The following ALDH9A1 variants were observed in gnomAD, a reference collection of about 807,000 sequenced individuals.
The protein encoded by ALDH9A1 is aldehyde dehydrogenase 9 family member A1.
In ALDH9A1, 42 loss-of-function variants were observed where a neutral mutation model predicts 56.6. The ratio of observed to expected loss-of-function variants is 0.74; its 90% CI spans 0.58 to 0.96. The LOEUF is 0.96. Among genes scored for constraint, ALDH9A1 ranks in the 40% least tolerant of loss-of-function variants. The probability of loss-of-function intolerance (pLI) is 0.00; values close to 1 mark genes in which losing one functional copy is unlikely to be tolerated. For missense variants in ALDH9A1, 661 were observed against 651.5 expected (o/e 1.01, Z -0.16); for synonymous variants, 242 against 236.0 (o/e 1.03, Z -0.23).
At position 165,665,160 on chromosome 1, in the gene ALDH9A1, T is replaced by C. The variant is rs747399636; in HGVS notation, c.1350-30A>G. 49 of 1,581,228 alleles carry C rather than the reference T, an allele frequency of 3.1e-5. No individual in the cohort carries two copies. The African/African-American group carries it at 3.6e-4, about 12-fold the overall frequency. The stretch of plus-strand genomic sequence containing the variant: ...GAAGAAAAAAAAAATGTGTGCATTA[T>C]TGAGAGTTTCTTAGGCTACTACTTT... On this transcript the variant is annotated intron_variant, in intron 9 of 10. Transcript: ENST00000354775.
At chr1:165,666,047 T>C (rs1168364999) in intron 9 of ALDH9A1, among the ~76,000 whole-genome samples, 1 of 152,208 alleles carries the variant, frequency 6.6e-6, no homozygotes, top group African/African-American at 2.4e-5. Context: ...AAGTGGTACA[T>C]ATCCATACCA....
At position 165,662,964 on chromosome 1, in the gene ALDH9A1, A is replaced by T. The variant is rs1558000065; in HGVS notation, c.*86T>A. ...AACGCCAAAATTCTGGATGTAAAAT[A>T]ACATTCAGTTGTACTGCCTCTGTAA... On this transcript the variant is annotated 3_prime_UTR_variant, in exon 11 of 11. Coordinates refer to ENST00000354775, the MANE Select transcript of ALDH9A1 (RefSeq NM_000696.4). 3.4e-6 allele frequency: 4 copies of T among 1,189,140 alleles called. No homozygotes were observed. The highest frequency in any genetic ancestry group is 2.5e-6 in the Non-Finnish European group (2 of 797,120). 73.7% of individuals were successfully genotyped at this position (1,189,140 alleles called of 1,614,324 possible). A position where few individuals can be genotyped will look rare whatever the true frequency, so the allele number is the denominator to read the frequency against.
intron 10 of ALDH9A1, among the ~76,000 whole-genome samples, chr1:165,663,832 G>A (rs1648918501): frequency 6.6e-6 from 1 of 152,222 alleles, no homozygotes; most frequent in Non-Finnish European, 1.5e-5. Context: ...ACCTCACTCT[G>A]TCTTTTGTTC....
chr1:165,690,669 C>T (rs1027853217), intron 2 of ALDH9A1, among the ~76,000 whole-genome samples: 1 of 152,206 alleles, frequency 6.6e-6, no homozygotes, highest in African/African-American at 2.4e-5. Flanking sequence ...TAATACTGCG[C>T]TTTTCCAACA....
chr1:165,689,821 C>A (rs1367078916), intron 2 of ALDH9A1, among the ~76,000 whole-genome samples: 1 of 151,782 alleles, frequency 6.6e-6, no homozygotes, highest in Non-Finnish European at 1.5e-5. Flanking sequence ...GTAATCCCAG[C>A]TATTCAGGAG....
At position 165,668,988 on chromosome 1, in the gene ALDH9A1, T is replaced by A. The variant is rs1649089744; in HGVS notation, c.1145A>T (p.Asp382Val). The stretch of plus-strand genomic sequence containing the variant: ...TTTGGGATCTTCAGGTACATATATA[T>A]CTCCACCACATAACACTTTAGCACC... ...EQGAKVLCGG[D>V]IYVPEDPKLK... Residue 382 changes from aspartate (D) to valine (V), a missense_variant, in exon 8 of 11, where the codon GAT becomes GTT. Transcript: ENST00000354775. The A allele has an allele frequency of 6.2e-7, 1 of 1,611,846 alleles. No individual in the cohort carries two copies.
intron 6 of ALDH9A1, among the ~76,000 whole-genome samples, chr1:165,673,118 A>C (rs545158872): frequency 0.011 from 1,714 of 151,490 alleles, 31 homozygotes; most frequent in African/African-American, 0.04. Flanking sequence ...AAAAAAAAAA[A>C]ACCTCTGATT....
chr1:165,666,518 C>T (rs1043407081), intron 9 of ALDH9A1, among the ~76,000 whole-genome samples: 1 of 152,176 alleles, frequency 6.6e-6, no homozygotes, highest in African/African-American at 2.4e-5. Flanking sequence ...GAGCACTTAA[C>T]CTGCTCACTC....
At chr1:165,674,793 G>A (rs1434743960) in intron 6 of ALDH9A1, among the ~76,000 whole-genome samples, 1 of 151,976 alleles carries the variant, frequency 6.6e-6, no homozygotes, top group Non-Finnish European at 1.5e-5. Context: ...AGACATATCT[G>A]CACTCCCATG....
At chr1:165,690,169 T>A (rs968684587) in intron 2 of ALDH9A1, among the ~76,000 whole-genome samples, 11 of 148,268 alleles carry the variant, frequency 7.4e-5, no homozygotes, top group Non-Finnish European at 3.0e-5. Flanking sequence ...ATAACATAGC[T>A]TATATGTGTA....
At chr1:165,697,840 G>A (rs2101762802) in intron 1 of ALDH9A1, among the ~76,000 whole-genome samples, 1 of 152,202 alleles carries the variant, frequency 6.6e-6, no homozygotes, top group East Asian at 1.9e-4. Context: ...ACCAGCCTGA[G>A]TAACATGCTG....
intron 4 of ALDH9A1, 134 bp from the exon 5 acceptor site, chr1:165,680,817 T>G: frequency 1.2e-6 from 1 of 843,746 alleles, no homozygotes. Context: ...TCAAAAATGT[T>G]ATTAATAACC....
At chr1:165,679,254 G>C (rs891149098) in intron 6 of ALDH9A1, among the ~76,000 whole-genome samples, 188 bp downstream of exon 6, 2 of 152,206 alleles carry the variant, frequency 1.3e-5, no homozygotes, top group African/African-American at 4.8e-5. Flanking sequence ...TAAAGAAGAT[G>C]ATAAAGTGAA....
intron 8 of ALDH9A1, 23 bp from the exon 9 acceptor site, chr1:165,667,473 T>A: frequency 6.2e-7 from 1 of 1,611,576 alleles, no homozygotes; most frequent in Non-Finnish European, 8.5e-7. Context: ...AAATAAAACC[T>A]CCTGAGCAGC....
At chr1:165,666,348 A>C (rs1364813656) in intron 9 of ALDH9A1, among the ~76,000 whole-genome samples, 1 of 152,244 alleles carries the variant, frequency 6.6e-6, no homozygotes, top group African/African-American at 2.4e-5. Flanking sequence ...GCACAACTCC[A>C]TGAATAAACT....
chr1:165,686,706 C>T (rs1187414277), intron 2 of ALDH9A1, among the ~76,000 whole-genome samples: 5 of 152,136 alleles, frequency 3.3e-5, no homozygotes, highest in African/African-American at 7.2e-5. Context: ...AGTAACTTCA[C>T]TGTGTCCCAG....
At chr1:165,667,780 T>C (rs1649053419) in intron 8 of ALDH9A1, among the ~76,000 whole-genome samples, 1 of 152,216 alleles carries the variant, frequency 6.6e-6, no homozygotes, top group African/African-American at 2.4e-5. Context: ...TTAAAGGTTA[T>C]ATACTGCATC....
chr1:165,672,442 G>A (rs1649207344), intron 6 of ALDH9A1, among the ~76,000 whole-genome samples: 1 of 152,104 alleles, frequency 6.6e-6, no homozygotes, highest in African/African-American at 2.4e-5. Context: ...ATTTATAAAA[G>A]GTACGTAGAA....
rs1303090006 is a variant in ALDH9A1, at chr1:165,662,901, GA to G, written c.*148del. Reference sequence around the variant, plus strand: ...CACATTTTCAGTGAGGAAGCTGATGGAGAGAGAAAGAGTAACATGAACCATT... The same window carrying G: ...CACATTTTCAGTGAGGAAGCTGATGGGAGAGAAAGAGTAACATGAACCATT... On this transcript the variant is annotated 3_prime_UTR_variant, in exon 11 of 11. Transcript: ENST00000354775. 3.1e-6 allele frequency: 2 copies of G among 651,204 alleles called. No homozygotes were observed. The highest frequency in any genetic ancestry group is 3.6e-5 in the African/African-American group (2 of 55,474). 40.3% of individuals were successfully genotyped at this position (651,204 alleles called of 1,614,324 possible). A position where few individuals can be genotyped will look rare whatever the true frequency, so the allele number is the denominator to read the frequency against.
Sources: allele counts gnomAD v4.1 joint callset (sites outside exome capture counted in the v4.1 genomes callset), GRCh38; gene constraint gnomAD v4.1.1; transcripts MANE v1.5; gene names NCBI Gene and HGNC (gene_info 2026-07-23, HGNC 2026-07-21).